The following ARHGAP11A variants were observed in gnomAD, a reference collection of about 807,000 sequenced individuals.
ARHGAP11A encodes the protein Rho GTPase activating protein 11A, also known as rho GTPase-activating protein 11A.
A neutral mutation model predicts 60.5 loss-of-function variants in ARHGAP11A; 36 were observed. The observed-to-expected ratio is 0.59, with a 90% CI of 0.46 to 0.79. The LOEUF (loss-of-function observed/expected upper bound fraction) is 0.79. ARHGAP11A is among the 30% of genes least tolerant of loss of function. The pLI is 0.00. For missense variants in ARHGAP11A, 1,071 were observed against 1,199.2 expected, an observed-to-expected ratio of 0.89 and a Z score of 1.58; for synonymous variants, 362 against 415.5, an observed-to-expected ratio of 0.87 and a Z score of 1.57.
Position 32,638,378 on chromosome 15 carries a change from A to C in ARHGAP11A, c.*533A>C, listed in dbSNP as rs2140482948. On this transcript the variant is annotated 3_prime_UTR_variant, in exon 12 of 12. Transcript: ENST00000361627. ...GAGCCACCACGCCCGGCTAGACTTTACCTTTCTAAAGAAATTGTTTACTGG... is the reference window on the plus strand; with the variant it reads ...GAGCCACCACGCCCGGCTAGACTTTCCCTTTCTAAAGAAATTGTTTACTGG... 1 of 152,366 alleles carries C rather than the reference A, an allele frequency of 6.6e-6. No homozygotes were observed. The highest frequency in any genetic ancestry group is 1.5e-5 in the Non-Finnish European group (1 of 68,060). 9.4% of individuals were successfully genotyped at this position (152,366 alleles called of 1,614,324 possible). A position where few individuals can be genotyped will look rare whatever the true frequency, so the allele number is the denominator to read the frequency against.
Position 32,615,943 on chromosome 15 carries a change from A to C in ARHGAP11A, c.-269A>C. The C allele has an allele frequency of 1.9e-6, 1 of 515,908 alleles. No homozygotes were observed. The allele number at this position is 515,908 out of a possible 1,614,324, so 32.0% of individuals were successfully genotyped here. A position where few individuals can be genotyped will look rare whatever the true frequency, so the allele number is the denominator to read the frequency against. ...TGTGAGTAGCTGAAAGCATTGGGTG[A>C]CCAGAAAGAAGGTCGGTGTAAGTGA... On this transcript the variant is annotated 5_prime_UTR_variant, in exon 1 of 12. Transcript: ENST00000361627.
intron 6 of ARHGAP11A, among the ~76,000 whole-genome samples, chr15:32,626,883 C>A (rs2053470804): frequency 2.0e-5 from 3 of 152,106 alleles, no homozygotes; most frequent in Non-Finnish European, 4.4e-5. Flanking sequence ...GGATTAGGGC[C>A]CACCCAAATG....
Position 32,620,140 on chromosome 15 carries a change from G to T in ARHGAP11A, c.162G>T (p.Leu54=). Residue 54 remains leucine (L), a synonymous_variant, in exon 2 of 12, where the codon CTG becomes CTT. Transcript: ENST00000361627. Reference sequence around the variant, plus strand: ...TATTTGGAGTACCTTTTAATGCACTGCCCCATTCTGCTGTACCAGAATATG... The same window carrying T: ...TATTTGGAGTACCTTTTAATGCACTTCCCCATTCTGCTGTACCAGAATATG... ...GKIFGVPFNA[L]PHSAVPEYGH... 1 of 1,612,204 alleles carries T rather than the reference G, an allele frequency of 6.2e-7. No homozygotes were observed. The highest frequency in any genetic ancestry group is 1.7e-4 in the Middle Eastern group (1 of 6,040).
rs1458191653 is a variant in ARHGAP11A, at chr15:32,625,216, ACT to A, written c.691_692del (p.Leu231TyrfsTer25). The A allele has an allele frequency of 6.2e-7, 1 of 1,611,806 alleles. No individual in the cohort carries two copies. The highest frequency in any genetic ancestry group is 8.5e-7 in the Non-Finnish European group (1 of 1,179,222). On this transcript the variant is annotated frameshift_variant, in exon 5 of 12. Transcript: ENST00000361627. LOFTEE classifies it high-confidence loss of function. The stretch of plus-strand genomic sequence containing the variant: ...ACGATTACAGGCTGCAGTAGTACAG[ACT>A]CTTATCGATTATGCATCAGATATTG... ...KLRLQAAVVQ[T>X]LIDYASDIGR...
At chr15:32,617,909 T>TA (rs2053200859) in intron 1 of ARHGAP11A, among the ~76,000 whole-genome samples, 1 of 152,178 alleles carries the variant, frequency 6.6e-6, no homozygotes, top group Non-Finnish European at 1.5e-5. Context: ...TTTATATATA[T>TA]AAAGTGGGAA....
chr15:32,633,852 A>C, intron 9 of ARHGAP11A, 81 bp from the exon 10 acceptor site: 2 of 794,178 alleles, frequency 2.5e-6, no homozygotes, highest in Non-Finnish European at 4.0e-6. Context: ...TTTGCTGTGG[A>C]CTTTATTTCA....
intron 6 of ARHGAP11A, 54 bp downstream of exon 6, chr15:32,625,687 A>T (rs2053442006): frequency 6.3e-7 from 1 of 1,589,590 alleles, no homozygotes. Context: ...AATCGAAAGT[A>T]CATTTCACAT....
chr15:32,618,928 G>A (rs957755263), intron 1 of ARHGAP11A, among the ~76,000 whole-genome samples: 2 of 152,100 alleles, frequency 1.3e-5, no homozygotes, highest in Non-Finnish European at 2.9e-5. Context: ...TCCAGCCTGG[G>A]CCACAAAGTG....
In ARHGAP11A at chr15:32,633,099, A is replaced by T; in HGVS notation, c.1226A>T (p.Lys409Ile). 1 of 1,614,042 alleles carries T rather than the reference A, an allele frequency of 6.2e-7. No individual in the cohort carries two copies. Among genetic ancestry groups the T allele is most frequent in the Non-Finnish European group, 8.5e-7 (1 of 1,179,962 alleles). The stretch of plus-strand genomic sequence containing the variant: ...CGAAGTAAAAGAATTGCAGGCAAAA[A>T]AGTTTGCAGGTACTTTATCCAGGAC... ...PRRSKRIAGK[K>I]VCRVESGKAG... Residue 409 changes from lysine (K) to isoleucine (I), a missense_variant, in exon 9 of 12, where the codon AAA becomes ATA. Coordinates refer to ENST00000361627, the MANE Select transcript of ARHGAP11A (RefSeq NM_014783.6).
chr15:32,616,474 G>A (rs4471648), intron 1 of ARHGAP11A, 134 bp downstream of exon 1: 9 of 1,349,886 alleles, frequency 6.7e-6, no homozygotes, highest in East Asian at 2.6e-5. Context: ...AGTTCAGATG[G>A]TCGATTGCTG....
chr15:32,637,682 T>A lies in ARHGAP11A; in HGVS notation c.2909T>A (p.Ile970Lys). 6.2e-7 allele frequency: 1 copy of A among 1,614,182 alleles called. No individual in the cohort carries two copies. Among genetic ancestry groups the A allele is most frequent in the Non-Finnish European group, 8.5e-7 (1 of 1,180,022 alleles). The part of the protein sequence containing the change: ...VPLDDLTNHD[I>K]VKPVVNNNMG... ...TTGGATGATCTGACTAATCATGATA[T>A]AGTAAAACCAGTTGTAAATAACAAC... is the stretch of plus-strand genomic sequence containing the variant. Residue 970 changes from isoleucine to lysine, a missense_variant, in exon 12 of 12, where the codon ATA becomes AAA. By Grantham distance (102) the Ile-to-Lys change is moderately radical. This residue lies in a region of ARHGAP11A where 776 missense variants were observed against 760.2 expected (regional missense o/e 1.02). Coordinates refer to ENST00000361627, the MANE Select transcript of ARHGAP11A (RefSeq NM_014783.6).
intron 10 of ARHGAP11A, 102 bp downstream of exon 10, chr15:32,634,143 A>C (rs968002879): frequency 5.3e-6 from 4 of 758,358 alleles, no homozygotes; most frequent in African/African-American, 3.6e-5. Flanking sequence ...TGACTGTCTC[A>C]TTCTGTTCTT....
rs1322126097 is a variant in ARHGAP11A at position 32,639,909 on chromosome 15, G to A, written c.*2064G>A. On this transcript the variant is annotated 3_prime_UTR_variant, in exon 12 of 12. Coordinates refer to ENST00000361627, the MANE Select transcript of ARHGAP11A (RefSeq NM_014783.6). Reference sequence around the variant, plus strand: ...AGTAACCTCATGGGTTCTTCTCACTGTCTTATAAATGTAAATAAAGATCTA... The same window carrying A: ...AGTAACCTCATGGGTTCTTCTCACTATCTTATAAATGTAAATAAAGATCTA... The A allele has an allele frequency of 2.6e-5, 4 of 152,164 alleles. No homozygotes were observed. The highest frequency in any genetic ancestry group is 9.6e-5 in the African/African-American group (4 of 41,522). The allele number at this position is 152,164 out of a possible 1,614,324, so 9.4% of individuals were successfully genotyped here. A position where few individuals can be genotyped will look rare whatever the true frequency, so the allele number is the denominator to read the frequency against.
At chr15:32,621,292 G>T (rs1357037013) in intron 2 of ARHGAP11A, among the ~76,000 whole-genome samples, 1 of 144,218 alleles carries the variant, frequency 6.9e-6, no homozygotes, top group Non-Finnish European at 1.5e-5. Flanking sequence ...CTGGGTTCAA[G>T]TGATTCTCCT....
At chr15:32,617,317 A>G (rs2053177423) in intron 1 of ARHGAP11A, among the ~76,000 whole-genome samples, 1 of 151,794 alleles carries the variant, frequency 6.6e-6, no homozygotes, top group African/African-American at 2.4e-5. Context: ...TTGGTAGCAA[A>G]TTAATGGCAA....
In ARHGAP11A at chr15:32,638,190, C is replaced by T. The variant is rs1412362850; in HGVS notation, c.*345C>T. 5.5e-6 allele frequency: 1 copy of T among 183,354 alleles called. No individual in the cohort carries two copies. Among genetic ancestry groups the T allele is most frequent in the Non-Finnish European group, 1.1e-5 (1 of 89,030 alleles). The allele number at this position is 183,354 out of a possible 1,614,324, so 11.4% of individuals were successfully genotyped here. On this transcript the variant is annotated 3_prime_UTR_variant, in exon 12 of 12. Transcript: ENST00000361627. ...CTGGGTTCATGCCATTTTCCTGCCTCAGCCTCCCGAGTAGCTGGGACTACA... is the reference window on the plus strand; with the variant it reads ...CTGGGTTCATGCCATTTTCCTGCCTTAGCCTCCCGAGTAGCTGGGACTACA...
intron 10 of ARHGAP11A, among the ~76,000 whole-genome samples, chr15:32,634,809 C>T (rs1298265026): frequency 6.6e-6 from 1 of 152,186 alleles, no homozygotes; most frequent in Non-Finnish European, 1.5e-5. Context: ...CTCTGAGACA[C>T]CATGTCTAAT....
At chr15:32,620,310 C>A (rs62001760) in intron 2 of ARHGAP11A, 132 bp downstream of exon 2, 262,931 of 1,510,238 alleles carry the variant, frequency 0.17, 25,050 homozygotes, top group South Asian at 0.31. Flanking sequence ...CATGGTGAGA[C>A]CTTGTCGCAA....
chr15:32,617,075 A>G (rs2053171156), intron 1 of ARHGAP11A, among the ~76,000 whole-genome samples: 1 of 152,220 alleles, frequency 6.6e-6, no homozygotes, highest in Non-Finnish European at 1.5e-5. Context: ...TCTGCCACAT[A>G]ATCAGGAATT....
Sources: allele counts gnomAD v4.1 joint callset (sites outside exome capture counted in the v4.1 genomes callset), GRCh38; gene constraint gnomAD v4.1.1; regional missense constraint gnomAD v4.1.1; transcripts MANE v1.5; gene names NCBI Gene and HGNC (gene_info 2026-07-23, HGNC 2026-07-21).